Variants in CARF observed in about 807,000 individuals in gnomAD.
CARF encodes the protein calcium responsive transcription factor, also known as calcium-responsive transcription factor.
In CARF, 57 loss-of-function variants were observed where a neutral mutation model predicts 82.0. The observed-to-expected ratio is 0.70, with a 90% CI of 0.56 to 0.87. The LOEUF is 0.87. Ranked by LOEUF, CARF falls within the 40% of genes least tolerant of loss-of-function variation. CARF has a pLI of 0.00. For missense variants in CARF, 771 were observed against 855.8 expected, an observed-to-expected ratio of 0.90 and a Z score of 1.24; for synonymous variants, 268 against 290.1, an observed-to-expected ratio of 0.92 and a Z score of 0.77.
chr2:202,981,222 A>C (rs1306178620), intron 14 of CARF, among the ~76,000 whole-genome samples: 6 of 152,296 alleles, frequency 3.9e-5, no homozygotes, highest in African/African-American at 1.4e-4. Flanking sequence ...TCAGATCATC[A>C]GGCATTAGAT....
intron 14 of CARF, among the ~76,000 whole-genome samples, chr2:202,980,617 T>TAC (rs2060213327): frequency 3.3e-5 from 1 of 30,628 alleles, no homozygotes; most frequent in Non-Finnish European, 5.3e-5. Context: ...GTCTTTCAAG[T>TAC]ATATATATAT....
intron 9 of CARF, chr2:202,962,866 G>T (rs1049872866): frequency 6.6e-6 from 1 of 152,054 alleles, no homozygotes; most frequent in African/African-American, 2.4e-5. Context: ...CATTTAGGTT[G>T]TTTCCAACTT....
At chr2:202,966,897 C>A in intron 9 of CARF, 81 bp from the exon 10 acceptor site, 2 of 1,370,762 alleles carry the variant, frequency 1.5e-6, no homozygotes, top group Non-Finnish European at 2.0e-6. Context: ...TTTGACATTG[C>A]CACCACCAAG....
chr2:202,921,107 T>G (rs1360352300), intron 2 of CARF, among the ~76,000 whole-genome samples: 1 of 152,174 alleles, frequency 6.6e-6, no homozygotes. Flanking sequence ...GTTCAAGCAA[T>G]TCTCCCGCCT....
intron 7 of CARF, among the ~76,000 whole-genome samples, chr2:202,954,764 C>T (rs370492725): frequency 6.7e-6 from 1 of 148,794 alleles, no homozygotes; most frequent in African/African-American, 2.5e-5. Flanking sequence ...AATCCCAACA[C>T]TTTAGAATGC....
At chr2:202,941,818 A>G in intron 3 of CARF, 42 bp from the exon 4 acceptor site, 1 of 1,034,136 alleles carries the variant, frequency 9.7e-7, no homozygotes, top group Non-Finnish European at 1.5e-6. Flanking sequence ...GTCCACAAAA[A>G]TACTAAGTGC....
At chr2:202,979,337 T>G (rs1376816336) in intron 14 of CARF, among the ~76,000 whole-genome samples, 2 of 152,040 alleles carry the variant, frequency 1.3e-5, no homozygotes, top group Non-Finnish European at 2.9e-5. Context: ...ATTTTAGAGG[T>G]AGGATCATCC....
Position 202,982,356 on chromosome 2 carries a change from G to A in CARF, c.1974G>A (p.Gly658=). Residue 658 remains glycine (G), a synonymous_variant, in exon 16 of 17, where the codon GGG becomes GGA. Coordinates refer to ENST00000438828, the MANE Select transcript of CARF (RefSeq NM_024744.17). ...LVEVGDVEDT[G]NLEGTVHRIL... is the part of the protein sequence containing the mutation. ...AAGTTGGAGATGTTGAGGATACAGG[G>A]AATCTGGAAGGAACTGTTCATCGGA... 6.2e-7 allele frequency: 1 copy of A among 1,614,150 alleles called. No homozygotes were observed. Among genetic ancestry groups the A allele is most frequent in the Non-Finnish European group, 8.5e-7 (1 of 1,180,020 alleles).
Position 202,984,440 on chromosome 2 carries a change from G to T in CARF, c.*816G>T, listed in dbSNP as rs2060371673. On this transcript the variant is annotated 3_prime_UTR_variant, in exon 17 of 17. Transcript: ENST00000438828. The stretch of plus-strand genomic sequence containing the variant: ...TTAAGAGAATTGAAAAAGAATAATA[G>T]AATTCCTTGGTGTTTACAGATAATT... 6.6e-6 allele frequency: 1 copy of T among 152,204 alleles called. No individual in the cohort carries two copies. Among genetic ancestry groups the T allele is most frequent in the African/African-American group, 2.4e-5 (1 of 41,552 alleles). The allele number at this position is 152,204 out of a possible 1,614,324, so 9.4% of individuals were successfully genotyped here. A position where few individuals can be genotyped will look rare whatever the true frequency, so the allele number is the denominator to read the frequency against.
chr2:202,913,992 ATTAGT>A (rs1396035818), intron 1 of CARF, among the ~76,000 whole-genome samples: 1 of 152,190 alleles, frequency 6.6e-6, no homozygotes, highest in African/African-American at 2.4e-5. Context: ...TTAAGGAAAG[ATTAGT>A]TTTAGCATTC....
chr2:202,936,538 G>C lies in CARF; in HGVS notation c.-43-5322G>C, dbSNP rs142594942. On this transcript the variant is annotated intron_variant, in intron 3 of 16. Transcript: ENST00000438828. ...AGAATCATATAATATGTGACCTTTT[G>C]TGTGTGGCTTGGCTTCTGTCACTTA... is the stretch of plus-strand genomic sequence containing the variant. Among the ~76,000 whole-genome samples the C allele has an allele frequency of 6.0e-4, 91 of 152,220 alleles. 1 individual carries two copies. The East Asian group carries it at 0.012, about 20-fold the overall frequency.
At chr2:202,976,891 G>A (rs1009620094) in intron 13 of CARF, among the ~76,000 whole-genome samples, 2 of 151,292 alleles carry the variant, frequency 1.3e-5, no homozygotes, top group Non-Finnish European at 3.0e-5. Flanking sequence ...TTAAGTTTTT[G>A]TAGAGACTGA....
In CARF at chr2:202,961,322, G is replaced by A. The variant is rs200793099; in HGVS notation, c.728G>A (p.Ser243Asn). Residue 243 changes from serine (S) to asparagine (N), a missense_variant, in exon 9 of 17, where the codon AGT becomes AAT. Physicochemically the swap from Ser to Asn is conservative, Grantham distance 46 (BLOSUM62 1). Coordinates refer to ENST00000438828, the MANE Select transcript of CARF (RefSeq NM_024744.17). Reference sequence around the variant, plus strand: ...ACATTTCACAAGCAGCAAACACAGAGTGTTTGGGGGACCCGTCAGTCTCCA... The same window carrying A: ...ACATTTCACAAGCAGCAAACACAGAATGTTTGGGGGACCCGTCAGTCTCCA... ...VLTFHKQQTQ[S>N]VWGTRQSPSP... The A allele has an allele frequency of 5.0e-5, 81 of 1,614,084 alleles. No individual in the cohort carries two copies. The highest frequency in any genetic ancestry group is 6.8e-5 in the Non-Finnish European group (80 of 1,180,036).
intron 3 of CARF, among the ~76,000 whole-genome samples, chr2:202,931,028 G>A (rs570017586): frequency 3.0e-4 from 40 of 135,424 alleles, no homozygotes; most frequent in African/African-American, 9.9e-4. Flanking sequence ...AGGCTGGAGT[G>A]CAATGGTGCA....
intron 5 of CARF, among the ~76,000 whole-genome samples, chr2:202,949,537 A>G (rs980449158): frequency 6.9e-6 from 1 of 144,826 alleles, no homozygotes; most frequent in Non-Finnish European, 1.5e-5. Flanking sequence ...TATTATTATT[A>G]TTATTATTAT....
intron 5 of CARF, among the ~76,000 whole-genome samples, chr2:202,946,691 C>T (rs534658461): frequency 6.6e-6 from 1 of 152,316 alleles, no homozygotes; most frequent in East Asian, 1.9e-4. Context: ...AAGAAACTAT[C>T]AGAGTGAACA....
chr2:202,977,124 G>C (rs2060066113), intron 13 of CARF, 145 bp from the exon 14 acceptor site: 1 of 631,076 alleles, frequency 1.6e-6, no homozygotes, highest in South Asian at 2.0e-5. Flanking sequence ...AAGTATACTT[G>C]TGCTTGAAGA....
intron 1 of CARF, among the ~76,000 whole-genome samples, chr2:202,917,466 G>A (rs895966794): frequency 2.0e-5 from 3 of 152,076 alleles, no homozygotes; most frequent in Non-Finnish European, 2.9e-5. Flanking sequence ...TAAGAAATAA[G>A]CCTGTCAATT....
At position 202,941,881 on chromosome 2, in the gene CARF, T is replaced by C; in HGVS notation, c.-22T>C. ...TCAGCTATTAAATAATAGAAGAAAA[T>C]GGAATTGAATATGATGTCAGCATGG... On this transcript the variant is annotated 5_prime_UTR_variant, in exon 4 of 17. It removes an upstream start codon present in the reference 5' UTR. Transcript: ENST00000438828. The C allele has an allele frequency of 6.3e-7, 1 of 1,584,682 alleles. No homozygotes were observed. The highest frequency in any genetic ancestry group is 8.7e-7 in the Non-Finnish European group (1 of 1,155,102).
Sources: gnomAD v4.1 joint callset for allele counts (sites outside exome capture counted in the v4.1 genomes callset) on GRCh38, gnomAD v4.1.1 for gene constraint, MANE v1.5 for transcripts, NCBI Gene and HGNC (gene_info 2026-07-23, HGNC 2026-07-21) for gene names.